EYA1: variants seen among roughly 807,000 people sequenced by gnomAD.
The protein encoded by EYA1 is protein phosphatase EYA1.
In EYA1, 16 loss-of-function variants were observed where a neutral mutation model predicts 82.0. The observed-to-expected ratio is 0.20, with a 90% CI of 0.13 to 0.30. The LOEUF is 0.30. Ranked by LOEUF, EYA1 falls within the 10% of genes least tolerant of loss-of-function variation. The probability of loss-of-function intolerance (pLI) is 1.00; values close to 1 mark genes in which losing one functional copy is unlikely to be tolerated. For missense variants in EYA1, 633 were observed against 730.7 expected (o/e 0.87, Z 1.54); for synonymous variants, 261 against 264.4 (o/e 0.99, Z 0.12).
At chr8:71,337,327 C>T (rs1824615660) in intron 3 of EYA1, among the ~76,000 whole-genome samples, 1 of 152,106 alleles carries the variant, frequency 6.6e-6, no homozygotes, top group Admixed American at 6.6e-5. Context: ...TCTCTTTTGC[C>T]CCCACACGAG....
chr8:71,267,758 C>T (rs1311585700), intron 11 of EYA1, among the ~76,000 whole-genome samples: 1 of 152,108 alleles, frequency 6.6e-6, no homozygotes, highest in African/African-American at 2.4e-5. Flanking sequence ...CTGTGTTAGC[C>T]AGGATGGTCT....
intron 3 of EYA1, among the ~76,000 whole-genome samples, chr8:71,346,286 T>C (rs1353957357): frequency 6.6e-6 from 1 of 151,962 alleles, no homozygotes; most frequent in African/African-American, 2.4e-5. Flanking sequence ...TTGGCCAGAA[T>C]GGAGTTTGGT....
chr8:71,212,095 T>C (rs896556448), intron 16 of EYA1, among the ~76,000 whole-genome samples: 3 of 152,236 alleles, frequency 2.0e-5, no homozygotes, highest in African/African-American at 7.2e-5. Context: ...GTTCCAACTC[T>C]TGGACTGCCA....
intron 7 of EYA1, among the ~76,000 whole-genome samples, chr8:71,308,718 AG>A (rs1050532356): frequency 2.0e-5 from 3 of 147,674 alleles, no homozygotes; most frequent in East Asian, 2.1e-4. Flanking sequence ...TTTTTTTTTA[AG>A]AAAAAAAAAA....
At chr8:71,494,301 GC>G (rs1452959003) in intron 2 of EYA1, among the ~76,000 whole-genome samples, 1 of 151,974 alleles carries the variant, frequency 6.6e-6, no homozygotes, top group Non-Finnish European at 1.5e-5. Flanking sequence ...ACATAAACAT[GC>G]TTTACACTGT....
At chr8:71,504,023 C>T (rs1812008194) in intron 2 of EYA1, among the ~76,000 whole-genome samples, 1 of 152,182 alleles carries the variant, frequency 6.6e-6, no homozygotes, top group African/African-American at 2.4e-5. Flanking sequence ...TCATAGGTGA[C>T]ATGATCACTT....
intron 1 of EYA1, among the ~76,000 whole-genome samples, chr8:71,546,789 C>T (rs535999068): frequency 6.6e-6 from 1 of 152,320 alleles, no homozygotes; most frequent in South Asian, 2.1e-4. Context: ...CAAGCGTGAG[C>T]CACAACGCCT....
upstream of EYA1, chr8:71,362,297 ATT>A: frequency 1.2e-5 from 9 of 739,464 alleles, no homozygotes; most frequent in Non-Finnish European, 1.5e-5. Context: ...AAAAAAAAAA[ATT>A]ATGTAAATGA....
chr8:71,457,233 A>C (rs551738827), intron 2 of EYA1, among the ~76,000 whole-genome samples: 5 of 152,194 alleles, frequency 3.3e-5, no homozygotes, highest in Non-Finnish European at 5.9e-5. Context: ...ACCGTCTAGA[A>C]TGGTGATCAT....
rs528966519 is a variant in EYA1 at position 71,420,458 on chromosome 8, C to T, written c.34-63947G>A. On this transcript the variant is annotated intron_variant, in intron 2 of 18. Transcript: ENST00000643681. ...CAAAGTAACTACATCCATAATATTACACAGGAAGCTTTTTTTAAAAAAATT... is the reference window on the plus strand; with the variant it reads ...CAAAGTAACTACATCCATAATATTATACAGGAAGCTTTTTTTAAAAAAATT... Among the ~76,000 whole-genome samples the T allele has an allele frequency of 2.0e-5, 3 of 152,168 alleles. No individual in the cohort carries two copies. In the South Asian group the frequency reaches 6.2e-4, roughly 32 times the overall value.
intron 2 of EYA1, among the ~76,000 whole-genome samples, chr8:71,391,791 C>G (rs1829293786): frequency 6.6e-6 from 1 of 152,156 alleles, no homozygotes; most frequent in Non-Finnish European, 1.5e-5. Flanking sequence ...TACTGTAGTA[C>G]AATTCCCAAA....
chr8:71,352,680 G>C (rs1826423788), intron 3 of EYA1, among the ~76,000 whole-genome samples: 1 of 152,166 alleles, frequency 6.6e-6, no homozygotes, highest in Non-Finnish European at 1.5e-5. Context: ...TGGTTGAGGA[G>C]ATCACATAAT....
intron 9 of EYA1, among the ~76,000 whole-genome samples, chr8:71,276,869 C>T (rs1425722613): frequency 6.6e-6 from 1 of 152,096 alleles, no homozygotes. Context: ...CTTTACATGA[C>T]TCAGTTTTTT....
intron 12 of EYA1, among the ~76,000 whole-genome samples, chr8:71,233,974 G>T (rs1469053745): frequency 1.3e-5 from 2 of 152,162 alleles, no homozygotes; most frequent in Admixed American, 6.5e-5. Flanking sequence ...ATTTCCCAGT[G>T]GGGGGTAGAC....
At chr8:71,444,453 A>ATGG (rs1428677552) in intron 2 of EYA1, among the ~76,000 whole-genome samples, 1 of 152,236 alleles carries the variant, frequency 6.6e-6, no homozygotes, top group Non-Finnish European at 1.5e-5. Flanking sequence ...GGGGGCAGAG[A>ATGG]TGGTGACCTA....
intron 4 of EYA1, among the ~76,000 whole-genome samples, chr8:71,325,894 A>C (rs538446713): frequency 3.3e-5 from 5 of 152,350 alleles, no homozygotes; most frequent in African/African-American, 1.2e-4. Context: ...TAATGGCATG[A>C]AACACTTTAA....
At chr8:71,452,286 T>G (rs1269596340) in intron 2 of EYA1, among the ~76,000 whole-genome samples, 1 of 152,080 alleles carries the variant, frequency 6.6e-6, no homozygotes, top group African/African-American at 2.4e-5. Context: ...TTGAACTGGG[T>G]GGAGTCCACC....
chr8:71,246,838 T>C (rs1022126759), intron 11 of EYA1, among the ~76,000 whole-genome samples: 3 of 152,108 alleles, frequency 2.0e-5, no homozygotes, highest in African/African-American at 7.2e-5. Context: ...CAGGGGCCCA[T>C]CTGCTGTAGC....
chr8:71,381,329 G>A (rs987120508), intron 2 of EYA1, among the ~76,000 whole-genome samples: 8 of 152,140 alleles, frequency 5.3e-5, no homozygotes, highest in African/African-American at 1.9e-4. Context: ...GACAAATTTC[G>A]ATGGGAACAA....
Sources: allele counts gnomAD v4.1 joint callset (sites outside exome capture counted in the v4.1 genomes callset), GRCh38; gene constraint gnomAD v4.1.1; transcripts MANE v1.5; gene names NCBI Gene and HGNC (gene_info 2026-07-23, HGNC 2026-07-21).